Variants in ANO2 observed in about 807,000 individuals in gnomAD.
ANO2 encodes anoctamin-2.
ANO2 carries 101 observed loss-of-function variants against 124.2 expected under a neutral mutation model. The ratio of observed to expected loss-of-function variants is 0.81; its 90% CI spans 0.69 to 0.96. ANO2 has a LOEUF of 0.96. Ranked by LOEUF, ANO2 falls within the 40% of genes least tolerant of loss-of-function variation. The pLI is 0.00. For synonymous variants in ANO2, 486 were observed against 482.5 expected, an observed-to-expected ratio of 1.01 and a Z score of -0.09; for missense variants, 1,293 against 1,274.5, an observed-to-expected ratio of 1.01 and a Z score of -0.22.
chr12:5,685,279 G>A (rs771406143), intron 14 of ANO2, among the ~76,000 whole-genome samples: 4 of 152,214 alleles, frequency 2.6e-5, no homozygotes, highest in Non-Finnish European at 5.9e-5. Flanking sequence ...GACTGGGGAA[G>A]AGTGCTAGGG....
chr12:5,667,114 C>T lies in ANO2; in HGVS notation c.1546-19313G>A, dbSNP rs558145578. Among the ~76,000 whole-genome samples, 223 of 152,296 alleles carry T rather than the reference C, an allele frequency of 1.5e-3. 1 individual carries two copies. Among genetic ancestry groups the T allele is most frequent in the African/African-American group, 5.1e-3 (214 of 41,570 alleles). Reference sequence around the variant, plus strand: ...ACACCCGGAAGCTCTGCGTTTGCTGCTTTCTGGGACCCCACCCTATGCATT... The same window carrying T: ...ACACCCGGAAGCTCTGCGTTTGCTGTTTTCTGGGACCCCACCCTATGCATT... On this transcript the variant is annotated intron_variant, in intron 14 of 24. Coordinates refer to ENST00000682330, the MANE Select transcript of ANO2 (RefSeq NM_001364791.2).
At chr12:5,810,569 C>T (rs1953354373) in intron 7 of ANO2, among the ~76,000 whole-genome samples, 1 of 152,128 alleles carries the variant, frequency 6.6e-6, no homozygotes, top group Non-Finnish European at 1.5e-5. Context: ...GACAGAGAGA[C>T]CCAACCTTTT....
chr12:5,865,415 A>G (rs921436205), intron 3 of ANO2, among the ~76,000 whole-genome samples: 1 of 149,566 alleles, frequency 6.7e-6, no homozygotes, highest in Admixed American at 6.7e-5. Flanking sequence ...ACCATCATGA[A>G]TTCATACCAT....
intron 1 of ANO2, among the ~76,000 whole-genome samples, chr12:5,927,860 G>A (rs1477218257): frequency 1.3e-5 from 2 of 152,356 alleles, no homozygotes; most frequent in East Asian, 3.9e-4. Context: ...AGTCTGGCAG[G>A]AACCTTCAAG....
chr12:5,585,494 T>C (rs1265769030), intron 20 of ANO2, among the ~76,000 whole-genome samples: 1 of 152,232 alleles, frequency 6.6e-6, no homozygotes, highest in African/African-American at 2.4e-5. Flanking sequence ...TAAAGGAGAC[T>C]CAGTCCCTGC....
At chr12:5,846,595 G>C (rs1052050527) in intron 4 of ANO2, among the ~76,000 whole-genome samples, 14 of 152,172 alleles carry the variant, frequency 9.2e-5, no homozygotes, top group African/African-American at 3.4e-4. Flanking sequence ...TCACAAGCCT[G>C]AAATCAAGGT....
rs183097689 is a variant in ANO2 at position 5,612,997 on chromosome 12, A to C, written c.1929-39T>G. On this transcript the variant is annotated intron_variant, in intron 17 of 24. Transcript: ENST00000682330. Reference sequence around the variant, plus strand: ...GTGTGGGAAGAGTTAGGGGAAGAGAAAGCATGCAGGGTGGCTCAAGGACAT... The same window carrying C: ...GTGTGGGAAGAGTTAGGGGAAGAGACAGCATGCAGGGTGGCTCAAGGACAT... 2,674 of 1,606,948 alleles carry C rather than the reference A, an allele frequency of 1.7e-3. 5 individuals carry two copies. Among genetic ancestry groups the C allele is most frequent in the Non-Finnish European group, 2.1e-3 (2,415 of 1,173,572 alleles).
At chr12:5,656,171 C>T (rs746836002) in intron 14 of ANO2, among the ~76,000 whole-genome samples, 1 of 152,284 alleles carries the variant, frequency 6.6e-6, no homozygotes, top group East Asian at 1.9e-4. Flanking sequence ...TTAATACCAG[C>T]ACTTCCCCAT....
intron 13 of ANO2, among the ~76,000 whole-genome samples, chr12:5,736,618 A>G (rs1950876178): frequency 6.6e-6 from 1 of 152,142 alleles, no homozygotes; most frequent in South Asian, 2.1e-4. Flanking sequence ...TGCTTCATAT[A>G]AGTCCTAGGA....
chr12:5,573,306 G>C (rs1942227251), intron 23 of ANO2, among the ~76,000 whole-genome samples: 1 of 152,198 alleles, frequency 6.6e-6, no homozygotes, highest in Non-Finnish European at 1.5e-5. Flanking sequence ...AAAATCCAAT[G>C]GTCAAGGGCA....
rs1475477629 is a variant in ANO2, at chr12:5,733,413, A to T, written c.1435-783T>A. Among the ~76,000 whole-genome samples the T allele has an allele frequency of 2.0e-5, 3 of 152,192 alleles. No homozygotes were observed. In the South Asian group the frequency reaches 6.2e-4, roughly 32 times the overall value. On this transcript the variant is annotated intron_variant, in intron 13 of 24. Coordinates refer to ENST00000682330, the MANE Select transcript of ANO2 (RefSeq NM_001364791.2). ...CTTCAAAGAAAATTTAACTGTGTAC[A>T]CCTGGCCTCATTGGCAGGTCTTCCT...
intron 3 of ANO2, among the ~76,000 whole-genome samples, chr12:5,880,593 C>T (rs1938418060): frequency 6.6e-6 from 1 of 151,886 alleles, no homozygotes; most frequent in Non-Finnish European, 1.5e-5. Flanking sequence ...GGGAAAATGT[C>T]AAGCAGGAGG....
chr12:5,665,755 T>G (rs1947677955), intron 14 of ANO2, among the ~76,000 whole-genome samples: 1 of 139,546 alleles, frequency 7.2e-6, no homozygotes, highest in South Asian at 2.7e-4. Flanking sequence ...ATCATCTCTT[T>G]GCACTCCAGG....
intron 14 of ANO2, among the ~76,000 whole-genome samples, chr12:5,679,730 G>A (rs971331787): frequency 2.6e-5 from 4 of 152,158 alleles, no homozygotes; most frequent in Non-Finnish European, 5.9e-5. Context: ...ACAGCGTGGT[G>A]ATTCCTCAAA....
Position 5,753,975 on chromosome 12 carries a change from AC to A in ANO2, c.1056-3006del, listed in dbSNP as rs571774010. ...CCTTATTCCAGATCTTAGAAAAAAAACTTTTTTTACTATTGAATATGATGTT... is the reference window on the plus strand; with the variant it reads ...CCTTATTCCAGATCTTAGAAAAAAAATTTTTTTACTATTGAATATGATGTT... On this transcript the variant is annotated intron_variant, in intron 10 of 24. Coordinates refer to ENST00000682330, the MANE Select transcript of ANO2 (RefSeq NM_001364791.2). Among the ~76,000 whole-genome samples the A allele has an allele frequency of 1.2e-4, 18 of 152,274 alleles. 1 individual carries two copies. The East Asian group carries it at 3.1e-3, about 26-fold the overall frequency.
chr12:5,855,611 T>C (rs1304434276), intron 3 of ANO2, among the ~76,000 whole-genome samples: 2 of 152,228 alleles, frequency 1.3e-5, no homozygotes, highest in Admixed American at 1.3e-4. Context: ...ATTACCACAA[T>C]GCATATTTAT....
intron 10 of ANO2, among the ~76,000 whole-genome samples, chr12:5,778,221 T>C (rs1055350486): frequency 1.3e-5 from 2 of 152,234 alleles, no homozygotes; most frequent in Non-Finnish European, 1.5e-5. Flanking sequence ...ACAATAGCAC[T>C]ACAAGATGAG....
chr12:5,779,546 G>A (rs1952324812), intron 10 of ANO2, among the ~76,000 whole-genome samples: 1 of 152,140 alleles, frequency 6.6e-6, no homozygotes, highest in South Asian at 2.1e-4. Context: ...GGAGGAACAG[G>A]AAATTCACAT....
intron 14 of ANO2, among the ~76,000 whole-genome samples, chr12:5,685,783 AACAAC>A (rs1948676908): frequency 7.1e-6 from 1 of 139,948 alleles, no homozygotes; most frequent in Non-Finnish European, 1.6e-5. Flanking sequence ...TCTCAACAAC[AACAAC>A]AAAACAAAAC....
Sources: allele counts gnomAD v4.1 joint callset (sites outside exome capture counted in the v4.1 genomes callset), GRCh38; gene constraint gnomAD v4.1.1; transcripts MANE v1.5; gene names NCBI Gene and HGNC (gene_info 2026-07-23, HGNC 2026-07-21).